PNKP: variants seen among roughly 807,000 people sequenced by gnomAD.
The protein encoded by PNKP is polynucleotide kinase 3'-phosphatase.
PNKP carries 82 observed loss-of-function variants against 66.2 expected under a neutral mutation model. That is an observed-to-expected ratio of 1.24 (90% CI 1.04 to 1.49). The LOEUF (loss-of-function observed/expected upper bound fraction) is 1.49. PNKP is among the 40% of genes most tolerant of loss of function. The pLI is 0.00. For synonymous variants in PNKP, 412 were observed against 298.9 expected (o/e 1.38, Z -3.90); for missense variants, 907 against 706.8 (o/e 1.28, Z -3.21).
chr19:49,864,135 A>C, intron 6 of PNKP, 44 bp downstream of exon 6: 1 of 1,612,374 alleles, frequency 6.2e-7, no homozygotes, highest in Non-Finnish European at 8.5e-7. Context: ...CTGCGGTCGG[A>C]CCGCCACGTG....
Position 49,861,622 on chromosome 19 carries a change from G to A in PNKP, c.1372C>T (p.Arg458Cys), listed in dbSNP as rs768495666. 3.2e-6 allele frequency: 5 copies of A among 1,555,830 alleles called. No individual in the cohort carries two copies. The highest frequency in any genetic ancestry group is 2.4e-5 in the South Asian group (2 of 84,842). Residue 458 changes from arginine (R) to cysteine (C), a missense_variant, in exon 15 of 17, where the codon CGC becomes TGC. Arg to Cys is a radical substitution (Grantham distance 180). Coordinates refer to ENST00000322344, the MANE Select transcript of PNKP (RefSeq NM_007254.4). ...AGCGGGCTCACCCGGTTGTTGTGGCGCGCCTGCTCCAGAGTGGCGGTGAAG... is the reference window on the plus strand; with the variant it reads ...AGCGGGCTCACCCGGTTGTTGTGGCACGCCTGCTCCAGAGTGGCGGTGAAG... ...FLFTATLEQARHNNRFREMTD... is the reference protein window; with the variant it reads ...FLFTATLEQACHNNRFREMTD...
rs1409975594 is a variant in PNKP at position 49,861,660 on chromosome 19, CA to C, written c.1333del (p.Cys445AlafsTer22). On this transcript the variant is annotated frameshift_variant, in exon 15 of 17. Coordinates refer to ENST00000322344, the MANE Select transcript of PNKP (RefSeq NM_007254.4). LOFTEE classifies it high-confidence loss of function. ...VQCARAAGVPCRCFLFTATLE... is the reference protein window; with the variant it reads ...VQCARAAGVPXRCFLFTATLE... ...AGTGGCGGTGAAGAGGAAGCAGCGG[CA>C]GGGGACGCCCGCGGCTCGGGCACAC... is the stretch of plus-strand genomic sequence containing the variant. 1 of 1,550,044 alleles carries C rather than the reference CA, an allele frequency of 6.5e-7. No homozygotes were observed. The highest frequency in any genetic ancestry group is 8.7e-7 in the Non-Finnish European group (1 of 1,147,026).
At chr19:49,861,420 C>T (rs779699384) in intron 16 of PNKP, 29 bp downstream of exon 16, 3 of 1,614,002 alleles carry the variant, frequency 1.9e-6, no homozygotes, top group Admixed American at 3.3e-5. Context: ...CCAGCCAGTG[C>T]CCCTGCCCCC....
chr19:49,862,690 C>CT lies in PNKP; in HGVS notation c.864dup (p.Asp289ArgfsTer37). Reference sequence around the variant, plus strand: ...CCCTCAGCAGCCTCCAGGCCCTTACCTCCCACAAAGATGCTGTCCCCGATG... The same window carrying CT: ...CCCTCAGCAGCCTCCAGGCCCTTACCTTCCCACAAAGATGCTGTCCCCGATG... On this transcript the variant is annotated frameshift_variant and splice_region_variant, in exon 9 of 17. Coordinates refer to ENST00000322344, the MANE Select transcript of PNKP (RefSeq NM_007254.4). LOFTEE classifies it high-confidence loss of function. 6.2e-7 allele frequency: 1 copy of CT among 1,614,134 alleles called. No homozygotes were observed. Among genetic ancestry groups the CT allele is most frequent in the Non-Finnish European group, 8.5e-7 (1 of 1,179,982 alleles).
In PNKP at chr19:49,861,795, G is replaced by T. The variant is rs767107348; in HGVS notation, c.1275C>A (p.Asn425Lys). ...QGKRVAIDNT[N>K]PDAASRARYV... is the part of the protein sequence containing the mutation. The stretch of plus-strand genomic sequence containing the variant: ...ACCTGGCGCGGCTCGCGGCGTCTGG[G>T]TTTGTGTTGTCGATGGCGACCCGTT... Residue 425 changes from asparagine to lysine, a missense_variant, in exon 14 of 17, where the codon AAC becomes AAA. By Grantham distance (94) the Asn-to-Lys change is moderately conservative. Coordinates refer to ENST00000322344, the MANE Select transcript of PNKP (RefSeq NM_007254.4). 1 of 1,571,146 alleles carries T rather than the reference G, an allele frequency of 6.4e-7. No homozygotes were observed. The highest frequency in any genetic ancestry group is 1.2e-5 in the South Asian group (1 of 86,372).
rs755267515 is a variant in PNKP at position 49,862,479 on chromosome 19, G to C, written c.937-16C>G. 2.5e-6 allele frequency: 4 copies of C among 1,594,290 alleles called. No individual in the cohort carries two copies. The highest frequency in any genetic ancestry group is 1.8e-5 in the Admixed American group (1 of 56,936). The stretch of plus-strand genomic sequence containing the variant: ...TGAGGGCAAACTAGGGGTTGAGGAC[G>C]AACATCAGACACAGGCCAGGGTCGG... On this transcript the variant is annotated splice_polypyrimidine_tract_variant and intron_variant, in intron 10 of 16. Transcript: ENST00000322344.
At position 49,862,473 on chromosome 19, in the gene PNKP, G is replaced by A. The variant is rs376801468; in HGVS notation, c.937-10C>T. The stretch of plus-strand genomic sequence containing the variant: ...CAAGGTTGAGGGCAAACTAGGGGTT[G>A]AGGACGAACATCAGACACAGGCCAG... On this transcript the variant is annotated splice_polypyrimidine_tract_variant and intron_variant, in intron 10 of 16. Coordinates refer to ENST00000322344, the MANE Select transcript of PNKP (RefSeq NM_007254.4). 3.2e-5 allele frequency: 51 copies of A among 1,593,034 alleles called. No homozygotes were observed. The highest frequency in any genetic ancestry group is 4.1e-5 in the Non-Finnish European group (48 of 1,169,450).
rs575935955 is a variant in PNKP, at chr19:49,861,477, C to T, written c.1420G>A (p.Val474Met). The stretch of plus-strand genomic sequence containing the variant: ...TAGCCATACATGACCATGTCTGACA[C>T]GGGGATATGAGAGGAGTCCGTCATC... ...REMTDSSHIP[V>M]SDMVMYGYRK... Residue 474 changes from valine to methionine, a missense_variant, in exon 16 of 17, where the codon GTG becomes ATG. Physicochemically the swap from Val to Met is conservative, Grantham distance 21 (BLOSUM62 1). Transcript: ENST00000322344. 1 of 1,520,514 alleles carries T rather than the reference C, an allele frequency of 6.6e-7. No individual in the cohort carries two copies. The highest frequency in any genetic ancestry group is 1.8e-5 in the Admixed American group (1 of 55,604). 94.2% of individuals were successfully genotyped at this position (1,520,514 alleles called of 1,614,324 possible).
In PNKP at chr19:49,861,785, C is replaced by A. The variant is rs148386689; in HGVS notation, c.1285G>T (p.Ala429Ser). Residue 429 changes from alanine to serine, a missense_variant, in exon 14 of 17, where the codon GCG becomes TCG. By Grantham distance (99) the Ala-to-Ser change is moderately conservative (BLOSUM62 1). Coordinates refer to ENST00000322344, the MANE Select transcript of PNKP (RefSeq NM_007254.4). ...CGGTCACGCTACCTGGCGCGGCTCG[C>A]GGCGTCTGGGTTTGTGTTGTCGATG... Reference protein sequence around the residue: ...VAIDNTNPDAASRARYVQCAR... With the variant: ...VAIDNTNPDASSRARYVQCAR... 5 of 1,566,094 alleles carry A rather than the reference C, an allele frequency of 3.2e-6. No homozygotes were observed. Among genetic ancestry groups the A allele is most frequent in the South Asian group, 1.2e-5 (1 of 85,796 alleles).
In PNKP at chr19:49,862,610, T is replaced by G; in HGVS notation, c.866-2A>C. ...AGTTGGCCGGGCGTCCGGCTGCGTC[T>G]GGAACACACGGGACACCCCGTTCCC... On this transcript the variant is annotated splice_acceptor_variant, in intron 9 of 16. Coordinates refer to ENST00000322344, the MANE Select transcript of PNKP (RefSeq NM_007254.4). LOFTEE classifies it high-confidence loss of function. The G allele has an allele frequency of 1.1e-5, 18 of 1,613,882 alleles. No individual in the cohort carries two copies. The highest frequency in any genetic ancestry group is 1.4e-5 in the Non-Finnish European group (17 of 1,179,880).
At chr19:49,861,566 A>AG in intron 15 of PNKP, 42 bp downstream of exon 15, 2 of 164,974 alleles carry the variant, frequency 1.2e-5, no homozygotes, top group Non-Finnish European at 1.7e-5. Flanking sequence ...GAGGGGGGTC[A>AG]GGGGGTGCAG....
rs1233198739 is a variant in PNKP at position 49,862,204 on chromosome 19, G to A, written c.1107C>T (p.Val369=). The change falls in exon 12 of 17, where the codon GTC becomes GTT. Residue 369 remains valine (V), a synonymous_variant. Transcript: ENST00000322344. ...ALLSASPEVV[V]AVGFPGAGKS... ...ACTTACCCCCAGGGAATCCCACTGC[G>A]ACAACCACCTCCGGGCTGGCGCTCA... 7 of 1,613,678 alleles carry A rather than the reference G, an allele frequency of 4.3e-6. No homozygotes were observed. The highest frequency in any genetic ancestry group is 2.7e-5 in the African/African-American group (2 of 75,030).
intron 13 of PNKP, 50 bp from the exon 14 acceptor site, chr19:49,861,931 A>G (rs1211638345): frequency 2.5e-6 from 4 of 1,576,256 alleles, no homozygotes; most frequent in African/African-American, 1.3e-5. Flanking sequence ...GGGGGAGAGA[A>G]GACCCCGAGC....
rs1173977773 is a variant in PNKP, at chr19:49,862,266, A to G, written c.1045T>C (p.Ser349Pro). The change falls in exon 12 of 17, where the codon TCA becomes CCA. Residue 349 changes from serine to proline, a missense_variant. By Grantham distance (74) the Ser-to-Pro change is moderately conservative (BLOSUM62 -1). Coordinates refer to ENST00000322344, the MANE Select transcript of PNKP (RefSeq NM_007254.4). ...GACTCGGGGAGGCAGAGAGGCCCTG[A>G]GCGGGAGACAGTCCTCTGCGAGGGG... The part of the protein sequence containing the change: ...PAFDPRTVSR[S>P]GPLCLPESRA... 1.2e-6 allele frequency: 2 copies of G among 1,601,878 alleles called. No individual in the cohort carries two copies. Among genetic ancestry groups the G allele is most frequent in the Non-Finnish European group, 1.7e-6 (2 of 1,174,558 alleles).
Position 49,865,444 on chromosome 19 carries a change from G to A in PNKP, c.199-18C>T. The stretch of plus-strand genomic sequence containing the variant: ...ACTCCCAGCTGCAGAAAGAGAGGGA[G>A]GAGCTGGGACTGGCTCCGCCCCCAC... On this transcript the variant is annotated intron_variant, in intron 3 of 16. Transcript: ENST00000322344. 1.9e-6 allele frequency: 3 copies of A among 1,579,368 alleles called. No individual in the cohort carries two copies. The highest frequency in any genetic ancestry group is 2.6e-6 in the Non-Finnish European group (3 of 1,161,028).
rs1264346777 is a variant in PNKP at position 49,863,825 on chromosome 19, C to T, written c.745-65G>A. 5.4e-6 allele frequency: 8 copies of T among 1,471,328 alleles called. No homozygotes were observed. The East Asian group carries it at 1.7e-4, about 32-fold the overall frequency. 91.1% of individuals were successfully genotyped at this position (1,471,328 alleles called of 1,614,324 possible). A position where few individuals can be genotyped will look rare whatever the true frequency, so the allele number is the denominator to read the frequency against. On this transcript the variant is annotated intron_variant, in intron 7 of 16. Coordinates refer to ENST00000322344, the MANE Select transcript of PNKP (RefSeq NM_007254.4). ...AAGCACCTACTGGATGCCACCCCAG[C>T]CCAGAATTTGTAGCTGATGATGGGT... is the stretch of plus-strand genomic sequence containing the variant.
rs1215112761 is a variant in PNKP at position 49,866,197 on chromosome 19, A to G, written c.198+202T>C. On this transcript the variant is annotated intron_variant, in intron 3 of 16. Coordinates refer to ENST00000322344, the MANE Select transcript of PNKP (RefSeq NM_007254.4). Reference sequence around the variant, plus strand: ...CTAATTTTTTAGAGAGACAGGTTTCACCATGTCGCTCAGGCTGGTCTCGAA... The same window carrying G: ...CTAATTTTTTAGAGAGACAGGTTTCGCCATGTCGCTCAGGCTGGTCTCGAA... The G allele has an allele frequency of 4.8e-6, 3 of 627,030 alleles. No individual in the cohort carries two copies. In the African/African-American group the frequency reaches 6.0e-5, roughly 13 times the overall value. 38.8% of individuals were successfully genotyped at this position (627,030 alleles called of 1,614,324 possible).
Position 49,862,042 on chromosome 19 carries a change from A to AGGCAAAAGCCTGGATATGT in PNKP, c.1188+1_1188+2insACATATCCAGGCTTTTGCC. 1 of 1,614,054 alleles carries AGGCAAAAGCCTGGATATGT rather than the reference A, an allele frequency of 6.2e-7. No individual in the cohort carries two copies. Among genetic ancestry groups the AGGCAAAAGCCTGGATATGT allele is most frequent in the Non-Finnish European group, 8.5e-7 (1 of 1,179,928 alleles). On this transcript the variant is annotated splice_donor_variant, in intron 13 of 16. Transcript: ENST00000322344. LOFTEE classifies it high-confidence loss of function. ...TTTGGGGCGGCAAAAGCCTGGTCAT[A>AGGCAAAAGCCTGGATATGT]CCCTGTTCACGTGGACATATCCGGC... is the stretch of plus-strand genomic sequence containing the variant.
rs1349339279 is a variant in PNKP, at chr19:49,863,698, C to G, written c.807G>C (p.Leu269=). Residue 269 remains leucine (L), a synonymous_variant, in exon 8 of 17, where the codon CTG becomes CTC. Coordinates refer to ENST00000322344, the MANE Select transcript of PNKP (RefSeq NM_007254.4). ...AGGCTGCAAGACTCACCTGCTCCTGCAGATGGTCCCACATGCCCGTCACCG... is the reference window on the plus strand; with the variant it reads ...AGGCTGCAAGACTCACCTGCTCCTGGAGATGGTCCCACATGCCCGTCACCG... ...RKPVTGMWDH[L]QEQANDGTPI... is the part of the protein sequence containing the mutation. 6.4e-7 allele frequency: 1 copy of G among 1,554,718 alleles called. No individual in the cohort carries two copies. Among genetic ancestry groups the G allele is most frequent in the Non-Finnish European group, 8.7e-7 (1 of 1,148,412 alleles).
Sources: allele counts gnomAD v4.1 joint callset, GRCh38; gene constraint gnomAD v4.1.1; transcripts MANE v1.5; gene names NCBI Gene and HGNC (gene_info 2026-07-23, HGNC 2026-07-21).